The following KLHL29 variants were observed in gnomAD, a reference collection of about 807,000 sequenced individuals.
The protein encoded by KLHL29 is kelch-like protein 29.
KLHL29 carries 21 observed loss-of-function variants against 80.4 expected under a neutral mutation model. The observed-to-expected ratio is 0.26, with a 90% CI of 0.19 to 0.38. The LOEUF is 0.38. Ranked by LOEUF, KLHL29 falls within the 10% of genes least tolerant of loss-of-function variation. The pLI, the probability that KLHL29 is intolerant of heterozygous loss-of-function variation, is 1.00. For synonymous variants in KLHL29, 511 were observed against 526.8 expected (o/e 0.97, Z 0.41); for missense variants, 867 against 1,223.9 (o/e 0.71, Z 4.35).
chr2:23,529,362 G>A (rs528632988), intron 2 of KLHL29, among the ~76,000 whole-genome samples: 4 of 152,104 alleles, frequency 2.6e-5, no homozygotes, highest in Middle Eastern at 3.2e-3. Flanking sequence ...CAATCCTCCC[G>A]CCTCAGCCTC....
At chr2:23,495,936 T>C (rs1349352184) in intron 2 of KLHL29, among the ~76,000 whole-genome samples, 4 of 152,274 alleles carry the variant, frequency 2.6e-5, no homozygotes, top group Non-Finnish European at 4.4e-5. Flanking sequence ...CCCCCACTGC[T>C]TGTTTTTACT....
intron 8 of KLHL29, among the ~76,000 whole-genome samples, chr2:23,694,292 A>G (rs972060178): frequency 2.0e-5 from 3 of 152,060 alleles, no homozygotes; most frequent in African/African-American, 7.2e-5. Context: ...CACTTCTCCC[A>G]TAGCCATTTC....
chr2:23,437,250 C>T (rs139534607), intron 1 of KLHL29, among the ~76,000 whole-genome samples: 5 of 152,328 alleles, frequency 3.3e-5, no homozygotes, highest in African/African-American at 4.8e-5. Flanking sequence ...CAGTTTATCT[C>T]ACAGAACCTC....
intron 1 of KLHL29, among the ~76,000 whole-genome samples, chr2:23,414,343 G>T (rs930071848): frequency 5.5e-5 from 8 of 146,486 alleles, no homozygotes; most frequent in African/African-American, 2.0e-4. Context: ...CGCGCAGACG[G>T]ATGTGTTTGT....
Position 23,590,408 on chromosome 2 carries a change from C to T in KLHL29, c.285+27927C>T, listed in dbSNP as rs984678870. 3.9e-5 allele frequency among the ~76,000 whole-genome samples: 6 copies of T among 152,204 alleles called. No individual in the cohort carries two copies. In the East Asian group the frequency reaches 1.2e-3, roughly 29 times the overall value. ...TATATGTTTTGTCCATTTCACGCTC[C>T]ACCTCCTGCTCTCCCCAGATTGTTT... On this transcript the variant is annotated intron_variant, in intron 3 of 13. Coordinates refer to ENST00000486442, the MANE Select transcript of KLHL29 (RefSeq NM_052920.2).
In KLHL29 at chr2:23,684,135, G is replaced by C. The variant is rs989230793; in HGVS notation, c.941-264G>C. Among the ~76,000 whole-genome samples, 1 of 151,990 alleles carries C rather than the reference G, an allele frequency of 6.6e-6. No individual in the cohort carries two copies. Among genetic ancestry groups the C allele is most frequent in the Non-Finnish European group, 1.5e-5 (1 of 67,992 alleles). ...TCTCCCCCAACCTTTCAATTTCTGG[G>C]TTTGATTTTTTGTATCATATTTGGT... On this transcript the variant is annotated intron_variant, in intron 5 of 13. Coordinates refer to ENST00000486442, the MANE Select transcript of KLHL29 (RefSeq NM_052920.2). The surrounding 1 kb of genome is among the most constrained non-coding windows in gnomAD (Gnocchi z 4.4).
At chr2:23,391,168 G>A (rs1259254898) in intron 1 of KLHL29, among the ~76,000 whole-genome samples, 2 of 152,184 alleles carry the variant, frequency 1.3e-5, no homozygotes, top group East Asian at 1.9e-4. Flanking sequence ...TTTTGTGATG[G>A]GCTTGTTAAA....
intron 3 of KLHL29, chr2:23,616,949 A>G (rs669531): frequency 0.99 from 151,230 of 152,380 alleles, 75,049 homozygotes; most frequent in East Asian, 1. Context: ...ATTCTCTCTG[A>G]ATTACAGCCG....
chr2:23,627,611 AG>A (rs1027677786), intron 3 of KLHL29, among the ~76,000 whole-genome samples: 3 of 152,166 alleles, frequency 2.0e-5, no homozygotes, highest in African/African-American at 7.2e-5. Context: ...GCCGCCTCCG[AG>A]GCCGTGTGTG....
At chr2:23,517,270 C>T (rs530820325) in intron 2 of KLHL29, among the ~76,000 whole-genome samples, 26 of 152,316 alleles carry the variant, frequency 1.7e-4, no homozygotes, top group African/African-American at 6.3e-4. Flanking sequence ...CTAGGCTGGG[C>T]GCGGTGGCTC....
intron 1 of KLHL29, among the ~76,000 whole-genome samples, chr2:23,390,748 T>C (rs1249252298): frequency 3.4e-5 from 5 of 148,308 alleles, no homozygotes; most frequent in African/African-American, 5.0e-5. Flanking sequence ...GCCTCCTGGG[T>C]TCATGAGATT....
rs115852683 is a variant in KLHL29 at position 23,540,615 on chromosome 2, G to A, written c.-45-21537G>A. Among the ~76,000 whole-genome samples, 253 of 152,310 alleles carry A rather than the reference G, an allele frequency of 1.7e-3. 1 individual carries two copies. The highest frequency in any genetic ancestry group is 5.8e-3 in the African/African-American group (242 of 41,562). The stretch of plus-strand genomic sequence containing the variant: ...TACACTGGAACATAGAACTCTTTTG[G>A]TTGCAGTAGATGGGAACCCAACTCA... On this transcript the variant is annotated intron_variant, in intron 2 of 13. Coordinates refer to ENST00000486442, the MANE Select transcript of KLHL29 (RefSeq NM_052920.2).
At chr2:23,591,841 C>A (rs535521724) in intron 3 of KLHL29, among the ~76,000 whole-genome samples, 1 of 152,216 alleles carries the variant, frequency 6.6e-6, no homozygotes, top group African/African-American at 2.4e-5. Context: ...GGGCAGCCCC[C>A]CTGGGAGCGG....
At chr2:23,558,996 G>A (rs556235696) in intron 2 of KLHL29, among the ~76,000 whole-genome samples, 11 of 152,336 alleles carry the variant, frequency 7.2e-5, no homozygotes, top group Admixed American at 5.2e-4. Context: ...CAGGGAGGGC[G>A]GGCACCATTT....
intron 1 of KLHL29, among the ~76,000 whole-genome samples, chr2:23,405,502 T>C (rs1021783956): frequency 6.6e-6 from 1 of 152,232 alleles, no homozygotes; most frequent in African/African-American, 2.4e-5. Flanking sequence ...TCTGAGGTTT[T>C]CTCCTTTTCC....
At chr2:23,649,608 C>T (rs934507978) in intron 5 of KLHL29, among the ~76,000 whole-genome samples, 14 of 152,244 alleles carry the variant, frequency 9.2e-5, no homozygotes, top group East Asian at 3.8e-4. Flanking sequence ...CCTCTCTCCA[C>T]GGGGCTGCGG....
intron 1 of KLHL29, among the ~76,000 whole-genome samples, chr2:23,445,369 C>A (rs567955100): frequency 8.5e-5 from 13 of 152,276 alleles, no homozygotes; most frequent in African/African-American, 3.1e-4. Context: ...AGCAGCATGT[C>A]CTCTATATTC....
At chr2:23,474,032 C>T (rs1365733984) in intron 1 of KLHL29, among the ~76,000 whole-genome samples, 4 of 152,154 alleles carry the variant, frequency 2.6e-5, no homozygotes, top group Admixed American at 6.5e-5. Context: ...ACAGGCCCCC[C>T]GACAACATGC....
intron 1 of KLHL29, among the ~76,000 whole-genome samples, chr2:23,398,483 C>T (rs112216935): frequency 0.012 from 1,840 of 152,224 alleles, 16 homozygotes; most frequent in Admixed American, 0.019. Flanking sequence ...TCGTTTAATG[C>T]GCAAAGAGTT....
Sources: gnomAD v4.1 joint callset for allele counts (sites outside exome capture counted in the v4.1 genomes callset) on GRCh38, gnomAD v4.1.1 for gene constraint, Gnocchi (gnomAD v3.1) non-coding constraint, MANE v1.5 for transcripts, NCBI Gene and HGNC (gene_info 2026-07-23, HGNC 2026-07-21) for gene names.